Variants in SLC8A1 observed in about 807,000 individuals in gnomAD.
The protein encoded by SLC8A1 is sodium/calcium exchanger 1.
Under a neutral mutation model 68.3 loss-of-function variants are expected in SLC8A1, and 18 were observed. The observed-to-expected ratio is 0.26, with a 90% CI of 0.18 to 0.39. The LOEUF (loss-of-function observed/expected upper bound fraction) is 0.39. SLC8A1 is among the 10% of genes least tolerant of loss of function. The probability of loss-of-function intolerance (pLI) is 1.00; values close to 1 mark genes in which losing one functional copy is unlikely to be tolerated. For missense variants in SLC8A1, 985 were observed against 1,156.7 expected (o/e 0.85, Z 2.15); for synonymous variants, 475 against 415.5 (o/e 1.14, Z -1.74).
Position 40,180,498 on chromosome 2 carries a change from G to T in SLC8A1, c.1809-2643C>A, listed in dbSNP as rs141558461. On this transcript the variant is annotated intron_variant, in intron 2 of 7. Coordinates refer to ENST00000406785, the Ensembl canonical transcript of SLC8A1. ...CACAGTCTTGCAATCTTAAACTTTA[G>T]TGGTACATTTCTACAAAAACAAACA... Among the ~76,000 whole-genome samples, 27 of 152,268 alleles carry T rather than the reference G, an allele frequency of 1.8e-4. 1 individual carries two copies. The highest frequency in any genetic ancestry group is 3.4e-3 in the Middle Eastern group (1 of 294).
intron 2 of SLC8A1, among the ~76,000 whole-genome samples, chr2:40,426,984 T>G (rs528948653): frequency 6.6e-6 from 1 of 152,130 alleles, no homozygotes; most frequent in African/African-American, 2.4e-5. Context: ...AGGATATTAA[T>G]TTGCTACTAG....
intron 2 of SLC8A1, among the ~76,000 whole-genome samples, chr2:40,420,590 C>T (rs940386312): frequency 2.6e-5 from 4 of 152,168 alleles, no homozygotes; most frequent in African/African-American, 9.7e-5. Context: ...CACGGAGGGA[C>T]TAAAACATTA....
exon 8 of SLC8A1, chr2:40,110,741 A>G (rs1430552311): frequency 2.0e-5 from 3 of 152,150 alleles, no homozygotes; most frequent in Non-Finnish European, 2.9e-5. Context: ...TCATAGTCAG[A>G]AAGTCAGAAT....
intron 2 of SLC8A1, 64 bp downstream of exon 3, chr2:40,178,323 G>C (rs1302946730): frequency 8.5e-7 from 1 of 1,177,240 alleles, no homozygotes; most frequent in South Asian, 1.2e-5. Flanking sequence ...GAAGAGTGCA[G>C]GCATCCAGGG....
At chr2:40,171,698 G>A (rs2047519517) in intron 4 of SLC8A1, among the ~76,000 whole-genome samples, 1 of 152,176 alleles carries the variant, frequency 6.6e-6, no homozygotes, top group Non-Finnish European at 1.5e-5. Context: ...TCCCCTATGT[G>A]TGAGAACAAT....
In SLC8A1 at chr2:40,463,839, T is replaced by TACACAC. The variant is rs761954909; in HGVS notation, c.-24-33541_-24-33536dup. 1.5e-3 allele frequency among the ~76,000 whole-genome samples: 184 copies of TACACAC among 123,382 alleles called. 1 individual carries two copies. The highest frequency in any genetic ancestry group is 3.5e-3 in the East Asian group (12 of 3,454). The allele number at this position is 123,382 out of a possible 152,430, so 80.9% of individuals were successfully genotyped here. On this transcript the variant is annotated intron_variant, in intron 1 of 7. Coordinates refer to the SLC8A1 transcript ENST00000402441. ...GGATATATACATACACACACACACATACACACACACACACACACACACACA... is the reference window on the plus strand; with the variant it reads ...GGATATATACATACACACACACACATACACACACACACACACACACACACACACACA...
At chr2:40,305,028 GTCTGGTGTGGGGCTTCAAAT>G (rs1170697028) in intron 2 of SLC8A1, among the ~76,000 whole-genome samples, 2 of 152,180 alleles carry the variant, frequency 1.3e-5, no homozygotes, top group African/African-American at 2.4e-5. Context: ...GACTCAGTAG[GTCTGGTGTGGGGCTTCAAAT>G]TCTGCATTTC....
chr2:40,477,386 T>C (rs1704354117), intron 1 of SLC8A1, among the ~76,000 whole-genome samples: 1 of 152,166 alleles, frequency 6.6e-6, no homozygotes, highest in South Asian at 2.1e-4. Context: ...CTTCTGGTTA[T>C]TTGTCTGTAA....
intron 5 of SLC8A1, among the ~76,000 whole-genome samples, chr2:40,161,232 C>T (rs1290157210): frequency 6.6e-6 from 1 of 152,146 alleles, no homozygotes; most frequent in Non-Finnish European, 1.5e-5. Context: ...AACATATGCC[C>T]TATTCAGCAC....
intron 1 of SLC8A1, among the ~76,000 whole-genome samples, chr2:40,465,117 C>A (rs1703589047): frequency 6.6e-6 from 1 of 152,062 alleles, no homozygotes; most frequent in Non-Finnish European, 1.5e-5. Context: ...CCCTCGGGGG[C>A]AATTTTAAAA....
At chr2:40,174,348 G>T (rs945405577) in intron 4 of SLC8A1, among the ~76,000 whole-genome samples, 8 of 152,010 alleles carry the variant, frequency 5.3e-5, no homozygotes, top group African/African-American at 1.9e-4. Context: ...TCCTGAGCTT[G>T]GACCACGGAT....
At chr2:40,321,181 C>T (rs929261585) in intron 2 of SLC8A1, among the ~76,000 whole-genome samples, 11 of 152,030 alleles carry the variant, frequency 7.2e-5, no homozygotes, top group Non-Finnish European at 1.5e-4. Flanking sequence ...GTCTTTCTGT[C>T]GTACAAATCC....
intron 6 of SLC8A1, among the ~76,000 whole-genome samples, chr2:40,152,685 G>A (rs1410219522): frequency 6.6e-6 from 1 of 151,884 alleles, no homozygotes; most frequent in African/African-American, 2.4e-5. Flanking sequence ...CAAAGTGCTG[G>A]GATTACAAGT....
chr2:40,253,244 TAC>T (rs752396554), intron 2 of SLC8A1, among the ~76,000 whole-genome samples: 1 of 150,090 alleles, frequency 6.7e-6, no homozygotes, highest in Non-Finnish European at 1.5e-5. Flanking sequence ...TGTGCGTATA[TAC>T]ACATATGTAT....
chr2:40,411,532 T>C (rs577196309), intron 2 of SLC8A1, among the ~76,000 whole-genome samples: 2 of 152,180 alleles, frequency 1.3e-5, no homozygotes, highest in African/African-American at 2.4e-5. Flanking sequence ...CATGATTTTT[T>C]TGCTTTCTCA....
chr2:40,302,597 A>G (rs1173104746), intron 2 of SLC8A1, among the ~76,000 whole-genome samples: 1 of 148,070 alleles, frequency 6.8e-6, no homozygotes. Context: ...ATACATATGT[A>G]TGATATATAT....
At chr2:40,360,097 G>C (rs1056061408) in intron 2 of SLC8A1, among the ~76,000 whole-genome samples, 6 of 152,104 alleles carry the variant, frequency 3.9e-5, no homozygotes, top group African/African-American at 1.4e-4. Context: ...AACCTTACAA[G>C]GTCATGTTAC....
At chr2:40,187,654 C>T (rs1238584472) in intron 2 of SLC8A1, among the ~76,000 whole-genome samples, 4 of 149,186 alleles carry the variant, frequency 2.7e-5, no homozygotes, top group African/African-American at 9.9e-5. Context: ...TTTTAGCAAT[C>T]AATTGTCAGT....
At chr2:40,343,872 C>A (rs923838518) in intron 2 of SLC8A1, among the ~76,000 whole-genome samples, 4 of 152,138 alleles carry the variant, frequency 2.6e-5, no homozygotes, top group East Asian at 1.9e-4. Context: ...CTTACAAATA[C>A]CCTTTTCCAT....
Sources: gnomAD v4.1 joint callset for allele counts (sites outside exome capture counted in the v4.1 genomes callset) on GRCh38, gnomAD v4.1.1 for gene constraint, MANE v1.5 for transcripts, NCBI Gene and HGNC (gene_info 2026-07-23, HGNC 2026-07-21) for gene names.